Variants in RTN2 observed in about 807,000 individuals in gnomAD.
The protein encoded by RTN2 is reticulon-2.
In RTN2, 36 loss-of-function variants were observed where a neutral mutation model predicts 63.7. The observed-to-expected ratio is 0.56, with a 90% confidence interval of 0.43 to 0.75. The LOEUF is 0.75. Ranked by LOEUF, RTN2 falls within the 30% of genes least tolerant of loss-of-function variation. The pLI is 0.00. For synonymous variants in RTN2, 312 were observed against 313.0 expected (o/e 1.00, Z 0.03); for missense variants, 673 against 705.1 (o/e 0.95, Z 0.52).
chr19:45,485,907 T>A (rs1968010688), intron 10 of RTN2, 118 bp from the exon 11 acceptor site: 2 of 1,153,090 alleles, frequency 1.7e-6, no homozygotes, highest in Admixed American at 3.8e-5. Flanking sequence ...GCTCCTGCCC[T>A]CCACCTAGTG....
intron 5 of RTN2, among the ~76,000 whole-genome samples, chr19:45,491,786 T>C (rs1046520016): frequency 6.6e-6 from 1 of 152,010 alleles, no homozygotes; most frequent in Non-Finnish European, 1.5e-5. Context: ...CACCTCGACC[T>C]CCTAAACCTG....
rs1288509888 is a variant in RTN2 at position 45,496,865 on chromosome 19, G to C, written c.-40C>G. ...CTGCATCGGGACCCCCGCCCACTCC[G>C]GCTGTGCCGCCCTGGGCCCGGGGTC... On this transcript the variant is annotated 5_prime_UTR_variant, in exon 1 of 11. Coordinates refer to ENST00000245923, the MANE Select transcript of RTN2 (RefSeq NM_005619.5). 4 of 1,389,468 alleles carry C rather than the reference G, an allele frequency of 2.9e-6. No homozygotes were observed. The highest frequency in any genetic ancestry group is 3.8e-6 in the Non-Finnish European group (4 of 1,044,852). 86.1% of individuals were successfully genotyped at this position (1,389,468 alleles called of 1,614,324 possible).
chr19:45,489,537 G>A lies in RTN2; in HGVS notation c.1050C>T (p.Tyr350=), dbSNP rs1378668120. The A allele has an allele frequency of 6.2e-7, 1 of 1,602,542 alleles. No homozygotes were observed. The highest frequency in any genetic ancestry group is 8.5e-7 in the Non-Finnish European group (1 of 1,174,836). Residue 350 remains tyrosine, a synonymous_variant, in exon 6 of 11, where the codon TAC becomes TAT. Transcript: ENST00000245923. The part of the protein sequence containing the change: ...DMGSKVADLL[Y]WKDTRTSGVV... ...CTCCTGACGTCCTCGTGTCCTTCCA[G>A]TACAGCAGGTCCGCCACTGTGGAGG...
At chr19:45,490,163 G>A (rs1042427316) in intron 5 of RTN2, among the ~76,000 whole-genome samples, 1 of 151,784 alleles carries the variant, frequency 6.6e-6, no homozygotes, top group Non-Finnish European at 1.5e-5. Context: ...CACCATTCCC[G>A]GCTAATTTTT....
chr19:45,494,832 G>A lies in RTN2; in HGVS notation c.253C>T (p.Arg85Cys), dbSNP rs751101450. The change falls in exon 3 of 11, where the codon CGC becomes TGC. Residue 85 changes from arginine (R) to cysteine (C), a missense_variant. Coordinates refer to ENST00000245923, the MANE Select transcript of RTN2 (RefSeq NM_005619.5). This position sits in a 1 kb window ranked among gnomAD's most constrained non-coding sequence, Gnocchi z 5.3. ...ACTGAGCGGCCCTGGGGGCGGGGGC[G>A]GCGGGCAGTTGAATCCCTGCGGCCC... ...SGGRRDSTAR[R>C]PRPQGRSVSE... The A allele has an allele frequency of 9.4e-6, 15 of 1,603,406 alleles. No individual in the cohort carries two copies. Among genetic ancestry groups the A allele is most frequent in the Non-Finnish European group, 1.1e-5 (13 of 1,179,802 alleles).
rs796081541 is a variant in RTN2 at position 45,492,001 on chromosome 19, C to A, written c.1033+1159G>T. Among the ~76,000 whole-genome samples the A allele has an allele frequency of 3.5e-4, 54 of 152,234 alleles. 1 individual carries two copies. The highest frequency in any genetic ancestry group is 1.2e-3 in the African/African-American group (51 of 41,542). Reference sequence around the variant, plus strand: ...AAGACCATAACAGTTCTTATTTCCACAAGAAGCAAGAGAAAGATCTTTTCC... The same window carrying A: ...AAGACCATAACAGTTCTTATTTCCAAAAGAAGCAAGAGAAAGATCTTTTCC... On this transcript the variant is annotated intron_variant, in intron 5 of 10. Transcript: ENST00000245923.
chr19:45,493,320 T>C lies in RTN2; in HGVS notation c.873A>G (p.Pro291=), dbSNP rs2122224325. 1 of 1,611,426 alleles carries C rather than the reference T, an allele frequency of 6.2e-7. No homozygotes were observed. Among genetic ancestry groups the C allele is most frequent in the South Asian group, 1.1e-5 (1 of 90,928 alleles). The change falls in exon 5 of 11, where the codon CCA becomes CCG. Residue 291 remains proline, a synonymous_variant. Transcript: ENST00000245923. The part of the protein sequence containing the change: ...SLLLAVYKTV[P]ILELSPPLWT... ...ACAGAGGTGGGGACAATTCCAAAAT[T>C]GGAACCGTCTTGTAAACAGCCAAAA...
chr19:45,486,163 C>G lies in RTN2; in HGVS notation c.1498-50G>C, dbSNP rs201720298. 349 of 1,545,906 alleles carry G rather than the reference C, an allele frequency of 2.3e-4. 1 individual carries two copies. The African/African-American group carries it at 3.9e-3, about 17-fold the overall frequency. ...AGAAGGGATTGGAGGGGTTTCTTCTCTTTAGTCACATAGGAGGCTGCTTCC... is the reference window on the plus strand; with the variant it reads ...AGAAGGGATTGGAGGGGTTTCTTCTGTTTAGTCACATAGGAGGCTGCTTCC... On this transcript the variant is annotated intron_variant, in intron 9 of 10. Coordinates refer to ENST00000245923, the MANE Select transcript of RTN2 (RefSeq NM_005619.5).
chr19:45,485,489 T>C lies in RTN2; in HGVS notation c.*219A>G. 1.8e-6 allele frequency: 1 copy of C among 561,802 alleles called. No homozygotes were observed. Among genetic ancestry groups the C allele is most frequent in the Non-Finnish European group, 3.2e-6 (1 of 312,724 alleles). The allele number at this position is 561,802 out of a possible 1,614,324, so 34.8% of individuals were successfully genotyped here. The stretch of plus-strand genomic sequence containing the variant: ...GTCCCAGCAGGCCCCGCGGCCAAGG[T>C]GCCTCGTCTTTCCTGGACTCCTGGA... On this transcript the variant is annotated 3_prime_UTR_variant, in exon 11 of 11. Coordinates refer to ENST00000245923, the MANE Select transcript of RTN2 (RefSeq NM_005619.5).
rs1173225703 is a variant in RTN2, at chr19:45,485,653, G to A, written c.*55C>T. Reference sequence around the variant, plus strand: ...GTGGGAACGGACAAGAGATGGAGGGGGCCAGAGGGCTGCGGGGGCTGGGGG... The same window carrying A: ...GTGGGAACGGACAAGAGATGGAGGGAGCCAGAGGGCTGCGGGGGCTGGGGG... On this transcript the variant is annotated 3_prime_UTR_variant, in exon 11 of 11. Transcript: ENST00000245923. 1 of 1,421,290 alleles carries A rather than the reference G, an allele frequency of 7.0e-7. No individual in the cohort carries two copies. The highest frequency in any genetic ancestry group is 9.9e-7 in the Non-Finnish European group (1 of 1,011,646). 88.0% of individuals were successfully genotyped at this position (1,421,290 alleles called of 1,614,324 possible).
chr19:45,492,943 C>G (rs1968191753), intron 5 of RTN2, among the ~76,000 whole-genome samples: 1 of 152,220 alleles, frequency 6.6e-6, no homozygotes, highest in Admixed American at 6.5e-5. Flanking sequence ...AGGGGGTCCT[C>G]CCTGCTCCTG....
chr19:45,485,957 C>T, intron 10 of RTN2, 98 bp downstream of exon 10: 1 of 1,319,414 alleles, frequency 7.6e-7, no homozygotes, highest in Non-Finnish European at 1.1e-6. Context: ...TTCAAGGGGA[C>T]ATTACCCCAG....
intron 6 of RTN2, 96 bp downstream of exon 6, chr19:45,489,250 G>T: frequency 1.7e-6 from 2 of 1,149,482 alleles, no homozygotes; most frequent in Non-Finnish European, 2.5e-6. Flanking sequence ...ATCAAGATGA[G>T]TCGGGGTCCG....
rs144028452 is a variant in RTN2 at position 45,494,734 on chromosome 19, T to C, written c.351A>G (p.Gln117=). 6.4e-3 allele frequency: 10,250 copies of C among 1,611,872 alleles called. 43 individuals are homozygous for C. The highest frequency in any genetic ancestry group is 7.9e-3 in the Non-Finnish European group (9,263 of 1,179,950). ...DSLESIPSLS[Q]SPEPGRRGDP... is the part of the protein sequence containing the mutation. ...CACCCCGTCGTCCAGGCTCCGGGGATTGGCTCAGGCTGGGGATGCTCTCCA... is the reference window on the plus strand; with the variant it reads ...CACCCCGTCGTCCAGGCTCCGGGGACTGGCTCAGGCTGGGGATGCTCTCCA... Residue 117 remains glutamine, a synonymous_variant, in exon 3 of 11, where the codon CAA becomes CAG. Coordinates refer to ENST00000245923, the MANE Select transcript of RTN2 (RefSeq NM_005619.5). The surrounding 1 kb of genome is among the most constrained non-coding windows in gnomAD (Gnocchi z 5.3).
At position 45,494,024 on chromosome 19, in the gene RTN2, T is replaced by A. The variant is rs933220327; in HGVS notation, c.814+142A>T. The stretch of plus-strand genomic sequence containing the variant: ...TTTTTAAAAAGCGGAGTTTATCACG[T>A]CTAGCCAGATGTGATATCACGTCTA... On this transcript the variant is annotated intron_variant, in intron 4 of 10. Coordinates refer to ENST00000245923, the MANE Select transcript of RTN2 (RefSeq NM_005619.5). This position sits in a 1 kb window ranked among gnomAD's most constrained non-coding sequence, Gnocchi z 5.3. 3 of 1,327,750 alleles carry A rather than the reference T, an allele frequency of 2.3e-6. No homozygotes were observed. The highest frequency in any genetic ancestry group is 3.1e-6 in the Non-Finnish European group (3 of 975,238). 82.2% of individuals were successfully genotyped at this position (1,327,750 alleles called of 1,614,324 possible). A position where few individuals can be genotyped will look rare whatever the true frequency, so the allele number is the denominator to read the frequency against.
intron 5 of RTN2, among the ~76,000 whole-genome samples, chr19:45,492,775 G>C (rs1034679141): frequency 6.6e-6 from 1 of 152,154 alleles, no homozygotes; most frequent in Non-Finnish European, 1.5e-5. Context: ...GCCCTCCCAG[G>C]CAGGCTCCTA....
Position 45,494,750 on chromosome 19 carries a change from A to G in RTN2, c.335T>C (p.Ile112Thr). The G allele has an allele frequency of 6.2e-7, 1 of 1,610,120 alleles. No individual in the cohort carries two copies. The highest frequency in any genetic ancestry group is 1.3e-5 in the African/African-American group (1 of 74,982). Reference protein sequence around the residue: ...QPSLGDSLESIPSLSQSPEPG... With the variant: ...QPSLGDSLESTPSLSQSPEPG... Reference sequence around the variant, plus strand: ...CTCCGGGGATTGGCTCAGGCTGGGGATGCTCTCCAAGCTGTCGCCCAGGCT... The same window carrying G: ...CTCCGGGGATTGGCTCAGGCTGGGGGTGCTCTCCAAGCTGTCGCCCAGGCT... Residue 112 changes from isoleucine (I) to threonine (T), a missense_variant, in exon 3 of 11, where the codon ATC becomes ACC. By Grantham distance (89) the Ile-to-Thr change is moderately conservative (BLOSUM62 -1). Coordinates refer to ENST00000245923, the MANE Select transcript of RTN2 (RefSeq NM_005619.5). The surrounding 1 kb of genome is among the most constrained non-coding windows in gnomAD (Gnocchi z 5.3).
chr19:45,485,686 C>T lies in RTN2; in HGVS notation c.*22G>A. ...GGCTGCGGGGGCTGGGGGCAGGCGT[C>T]CTGCGGGCAGAGACACCGTTCTCAT... On this transcript the variant is annotated 3_prime_UTR_variant, in exon 11 of 11. Transcript: ENST00000245923. The T allele has an allele frequency of 6.2e-7, 1 of 1,607,156 alleles. No homozygotes were observed. The highest frequency in any genetic ancestry group is 1.7e-4 in the Middle Eastern group (1 of 5,974).
chr19:45,496,907 G>T lies in RTN2; in HGVS notation c.-82C>A. On this transcript the variant is annotated 5_prime_UTR_variant, in exon 1 of 11. Transcript: ENST00000245923. ...CCCGGGGTCGCGGGCGCTCATCTCC[G>T]CCGCGCCCACGACGCCGCTGCCATT... is the stretch of plus-strand genomic sequence containing the variant. The T allele has an allele frequency of 2.4e-6, 2 of 829,458 alleles. No homozygotes were observed. Among genetic ancestry groups the T allele is most frequent in the Non-Finnish European group, 3.4e-6 (2 of 592,182 alleles). 51.4% of individuals were successfully genotyped at this position (829,458 alleles called of 1,614,324 possible).
Sources: allele counts gnomAD v4.1 joint callset (sites outside exome capture counted in the v4.1 genomes callset), GRCh38; gene constraint gnomAD v4.1.1; non-coding constraint Gnocchi (gnomAD v3.1); transcripts MANE v1.5; gene names NCBI Gene and HGNC (gene_info 2026-07-23, HGNC 2026-07-21).